MITF: variants seen among roughly 807,000 people sequenced by gnomAD.
MITF encodes melanocyte inducing transcription factor, also known as microphthalmia-associated transcription factor.
Under a neutral mutation model 60.5 loss-of-function variants are expected in MITF, and 17 were observed. The ratio of observed to expected loss-of-function variants is 0.28; its 90% CI spans 0.19 to 0.42. The LOEUF is 0.42. Among genes scored for constraint, MITF ranks in the 10% least tolerant of loss-of-function variants. MITF has a pLI of 1.00. For missense variants in MITF, 622 were observed against 683.5 expected, an observed-to-expected ratio of 0.91 and a Z score of 1.00; for synonymous variants, 260 against 248.5, an observed-to-expected ratio of 1.05 and a Z score of -0.43.
intron 1 of MITF, among the ~76,000 whole-genome samples, chr3:69,830,606 C>G (rs1243295048): frequency 6.6e-6 from 1 of 152,174 alleles, no homozygotes; most frequent in Non-Finnish European, 1.5e-5. Context: ...CCTCCCCATC[C>G]CGATGCTTCA....
chr3:69,859,508 T>C (rs1335857756), intron 1 of MITF, among the ~76,000 whole-genome samples: 1 of 152,178 alleles, frequency 6.6e-6, no homozygotes, highest in Non-Finnish European at 1.5e-5. Context: ...GCTGATGTCC[T>C]GGGATCTCCT....
At chr3:69,745,259 G>A (rs951064304) in intron 1 of MITF, among the ~76,000 whole-genome samples, 2 of 152,164 alleles carry the variant, frequency 1.3e-5, no homozygotes, top group Non-Finnish European at 2.9e-5. Context: ...GAGTTAAACT[G>A]ATGCTTCTGT....
At chr3:69,785,776 A>T (rs575347846) in intron 1 of MITF, among the ~76,000 whole-genome samples, 1 of 152,160 alleles carries the variant, frequency 6.6e-6, no homozygotes, top group Non-Finnish European at 1.5e-5. Flanking sequence ...GCCTGAGACC[A>T]TGTCCATCTA....
chr3:69,778,871 C>T (rs925884306), intron 1 of MITF: 1 of 152,026 alleles, frequency 6.6e-6, no homozygotes, highest in South Asian at 2.1e-4. Context: ...CTCTGGGTTT[C>T]GAGCAAGTGC....
chr3:69,840,401 AG>A (rs1333585808), intron 1 of MITF, among the ~76,000 whole-genome samples: 1 of 152,178 alleles, frequency 6.6e-6, no homozygotes, highest in East Asian at 1.9e-4. Context: ...TCTTGATGGA[AG>A]GCTCAGCTAC....
At position 69,966,528 on chromosome 3, in the gene MITF, G is replaced by A; in HGVS notation, c.*1280G>A. ...CCATAGCATTAATACGCCCATTATGGTCATTTAAATTGGGGTTTATTTCAG... is the reference window on the plus strand; with the variant it reads ...CCATAGCATTAATACGCCCATTATGATCATTTAAATTGGGGTTTATTTCAG... On this transcript the variant is annotated 3_prime_UTR_variant, in exon 10 of 10. Transcript: ENST00000352241. 8.6e-6 allele frequency: 2 copies of A among 232,904 alleles called. No individual in the cohort carries two copies. The highest frequency in any genetic ancestry group is 1.7e-5 in the Non-Finnish European group (2 of 117,674). 14.4% of individuals were successfully genotyped at this position (232,904 alleles called of 1,614,324 possible). A position where few individuals can be genotyped will look rare whatever the true frequency, so the allele number is the denominator to read the frequency against.
chr3:69,872,729 G>A (rs2064266729), intron 1 of MITF, among the ~76,000 whole-genome samples: 1 of 152,088 alleles, frequency 6.6e-6, no homozygotes, highest in South Asian at 2.1e-4. Context: ...AAAAAAATGT[G>A]GAGAATCCTG....
chr3:69,805,524 G>A (rs1229952921), intron 1 of MITF, among the ~76,000 whole-genome samples: 1 of 151,960 alleles, frequency 6.6e-6, no homozygotes, highest in African/African-American at 2.4e-5. Flanking sequence ...CTGTGTATTT[G>A]CTTATTTGTT....
intron 1 of MITF, among the ~76,000 whole-genome samples, chr3:69,743,516 T>A (rs1703610145): frequency 6.6e-6 from 1 of 152,226 alleles, no homozygotes; most frequent in South Asian, 2.1e-4. Context: ...AACCCAGACA[T>A]CCTTGCCTTT....
chr3:69,777,700 A>G (rs1367087975), intron 1 of MITF, among the ~76,000 whole-genome samples: 2 of 152,180 alleles, frequency 1.3e-5, no homozygotes, highest in Non-Finnish European at 2.9e-5. Context: ...TAGAAGGACA[A>G]GTCAAGTTAT....
chr3:69,951,082 C>T (rs1158650633), intron 6 of MITF, among the ~76,000 whole-genome samples: 1 of 146,934 alleles, frequency 6.8e-6, no homozygotes, highest in Non-Finnish European at 1.5e-5. Flanking sequence ...GACAGAGATC[C>T]AATTTGGCAG....
At chr3:69,889,269 A>G (rs150406952) in intron 2 of MITF, among the ~76,000 whole-genome samples, 77 of 151,780 alleles carry the variant, frequency 5.1e-4, no homozygotes, top group African/African-American at 1.7e-3. Context: ...TTGAAAATCT[A>G]CGATTAGGCT....
intron 1 of MITF, among the ~76,000 whole-genome samples, chr3:69,829,862 G>A (rs540997726): frequency 6.6e-6 from 1 of 152,314 alleles, no homozygotes; most frequent in East Asian, 1.9e-4. Context: ...CTTAGGGCCA[G>A]TGATGCCTGA....
Position 69,964,903 on chromosome 3 carries a change from C to G in MITF, c.1236C>G (p.Leu412=). ...TTTCCCTTATTCCATCCACGGGTCT[C>G]TGCTCTCCAGATTTGGTGAATCGGA... ...HGLSLIPSTG[L]CSPDLVNRII... is the part of the protein sequence containing the mutation. The change falls in exon 10 of 10, where the codon CTC becomes CTG. Residue 412 remains leucine (L), a synonymous_variant. Transcript: ENST00000352241. 1 of 1,614,152 alleles carries G rather than the reference C, an allele frequency of 6.2e-7. No homozygotes were observed. Among genetic ancestry groups the G allele is most frequent in the Non-Finnish European group, 8.5e-7 (1 of 1,180,000 alleles).
chr3:69,834,956 T>C (rs1425211871), intron 1 of MITF, among the ~76,000 whole-genome samples: 2 of 151,004 alleles, frequency 1.3e-5, no homozygotes, highest in East Asian at 1.9e-4. Flanking sequence ...ACTTTTTTCA[T>C]ATCTGTTGCC....
chr3:69,748,576 G>A (rs1395911916), intron 1 of MITF, among the ~76,000 whole-genome samples: 1 of 152,154 alleles, frequency 6.6e-6, no homozygotes, highest in Non-Finnish European at 1.5e-5. Context: ...ATACTGGGTT[G>A]TGTGACAGCA....
At chr3:69,758,953 G>T (rs892510286) in intron 1 of MITF, among the ~76,000 whole-genome samples, 28 of 152,142 alleles carry the variant, frequency 1.8e-4, no homozygotes, top group African/African-American at 6.8e-4. Context: ...AAAATGACTG[G>T]CATATGTACA....
chr3:69,799,401 T>C (rs996950463), intron 1 of MITF, among the ~76,000 whole-genome samples: 2 of 152,212 alleles, frequency 1.3e-5, no homozygotes, highest in African/African-American at 4.8e-5. Flanking sequence ...ATTGGGCATG[T>C]ATTTCCTTTG....
intron 1 of MITF, among the ~76,000 whole-genome samples, chr3:69,760,828 G>GT (rs2062201199): frequency 6.6e-6 from 1 of 152,158 alleles, no homozygotes; most frequent in Non-Finnish European, 1.5e-5. Context: ...GAGGATAAAG[G>GT]TGATGATTTT....
Sources: allele counts gnomAD v4.1 joint callset (sites outside exome capture counted in the v4.1 genomes callset), GRCh38; gene constraint gnomAD v4.1.1; transcripts MANE v1.5; gene names NCBI Gene and HGNC (gene_info 2026-07-23, HGNC 2026-07-21).